Variants in GTPBP8 observed in about 807,000 individuals in gnomAD.
GTPBP8 encodes the protein GTP binding protein 8, also known as GTP-binding protein 8.
A neutral mutation model predicts 27.3 loss-of-function variants in GTPBP8; 21 were observed. The ratio of observed to expected loss-of-function variants is 0.77; its 90% CI spans 0.55 to 1.11. The LOEUF (loss-of-function observed/expected upper bound fraction) is 1.11, where lower values mean the gene tolerates loss of function less well. GTPBP8 is among the 50% of genes least tolerant of loss of function. The probability of loss-of-function intolerance (pLI) is 0.00; values close to 1 mark genes in which losing one functional copy is unlikely to be tolerated. For synonymous variants in GTPBP8, 147 were observed against 135.3 expected (o/e 1.09, Z -0.60); for missense variants, 380 against 350.8 (o/e 1.08, Z -0.67).
At chr3:112,999,640 G>A (rs1435276189) in intron 5 of GTPBP8, 76 bp downstream of exon 5, 8 of 667,032 alleles carry the variant, frequency 1.2e-5, no homozygotes, top group Admixed American at 5.3e-5. Flanking sequence ...TTTTTATTTC[G>A]ATAGTTTTTG....
At chr3:112,994,857 C>T (rs2107367673) in intron 2 of GTPBP8, among the ~76,000 whole-genome samples, 1 of 152,264 alleles carries the variant, frequency 6.6e-6, no homozygotes, top group East Asian at 1.9e-4. Context: ...AGGAAAGACT[C>T]CAAAATATTT....
At chr3:112,995,046 T>G (rs1933757078) in intron 2 of GTPBP8, 89 bp from the exon 3 acceptor site, 20 of 991,826 alleles carry the variant, frequency 2.0e-5, no homozygotes, top group Non-Finnish European at 2.7e-5. Flanking sequence ...TAATAAATAT[T>G]TGTTGATTAA....
chr3:112,991,199 A>C lies in GTPBP8; in HGVS notation c.200A>C (p.His67Pro), dbSNP rs777485753. Residue 67 changes from histidine (H) to proline (P), a missense_variant, in exon 1 of 6, where the codon CAC becomes CCC. His to Pro is a moderately conservative substitution (Grantham distance 77, BLOSUM62 -2). Coordinates refer to ENST00000383678, the MANE Select transcript of GTPBP8 (RefSeq NM_014170.4). ...FLAPYGRQDL[H>P]LRIFDPSPED... ...GCCCCCTACGGGAGGCAAGACCTTC[A>C]CCTGCGTATCTTTGACCCAAGCCCG... 6.8e-6 allele frequency: 11 copies of C among 1,614,044 alleles called. No homozygotes were observed. Among genetic ancestry groups the C allele is most frequent in the Non-Finnish European group, 9.3e-6 (11 of 1,180,030 alleles).
chr3:112,996,856 A>G, intron 3 of GTPBP8, 36 bp from the exon 4 acceptor site: 1 of 898,080 alleles, frequency 1.1e-6, no homozygotes, highest in Non-Finnish European at 1.9e-6. Context: ...GGTATATTTT[A>G]TATTGCCATT....
intron 1 of GTPBP8, 190 bp downstream of exon 1, chr3:112,991,525 A>C: frequency 1.4e-6 from 1 of 711,922 alleles, no homozygotes; most frequent in Non-Finnish European, 2.5e-6. Context: ...CCCATTGTTA[A>C]GTACAAAATG....
Position 112,996,748 on chromosome 3 carries a change from G to A in GTPBP8, c.567-144G>A, listed in dbSNP as rs187876285. 307 of 604,490 alleles carry A rather than the reference G, an allele frequency of 5.1e-4. No individual in the cohort carries two copies. In the African/African-American group the frequency reaches 5.3e-3, roughly 11 times the overall value. The allele number at this position is 604,490 out of a possible 1,614,324, so 37.4% of individuals were successfully genotyped here. On this transcript the variant is annotated intron_variant, in intron 3 of 5. Transcript: ENST00000383678. ...CTGCAGGATAAACTTCTGGCAAATT[G>A]AGAATTCCTGTTGCCTAAAGAAATG...
chr3:112,996,640 T>A (rs960730414), intron 3 of GTPBP8, among the ~76,000 whole-genome samples: 1 of 152,192 alleles, frequency 6.6e-6, no homozygotes, highest in African/African-American at 2.4e-5. Context: ...CAGAATGTCT[T>A]ATATCCAATA....
intron 4 of GTPBP8, among the ~76,000 whole-genome samples, 191 bp from the exon 5 acceptor site, chr3:112,999,255 C>T (rs1933844938): frequency 6.6e-6 from 1 of 152,172 alleles, no homozygotes; most frequent in African/African-American, 2.4e-5. Context: ...TGATGTGTTT[C>T]ACACATTTGC....
rs976464002 is a variant in GTPBP8, at chr3:112,994,488, G to A, written c.436-647G>A. Among the ~76,000 whole-genome samples, 5 of 151,666 alleles carry A rather than the reference G, an allele frequency of 3.3e-5. No individual in the cohort carries two copies. The East Asian group carries it at 9.7e-4, about 29-fold the overall frequency. The stretch of plus-strand genomic sequence containing the variant: ...TTTTCTGATTAATATCTGTTCTATG[G>A]ACACAAAACTGAGTAAACCACTTTT... On this transcript the variant is annotated intron_variant, in intron 2 of 5. Coordinates refer to ENST00000383678, the MANE Select transcript of GTPBP8 (RefSeq NM_014170.4).
At chr3:112,992,991 C>T in intron 1 of GTPBP8, 35 bp from the exon 2 acceptor site, 1 of 1,110,692 alleles carries the variant, frequency 9.0e-7, no homozygotes, top group Middle Eastern at 2.0e-4. Context: ...GCATATACAG[C>T]TAGTACGTAC....
intron 2 of GTPBP8, among the ~76,000 whole-genome samples, chr3:112,993,434 C>A (rs189325320): frequency 6.6e-6 from 1 of 152,288 alleles, no homozygotes; most frequent in East Asian, 1.9e-4. Context: ...TCATCTAGTT[C>A]TACACTGATT....
rs1309206166 is a variant in GTPBP8, at chr3:112,996,894, TGAA to T, written c.572_574del (p.Lys191del). On this transcript the variant is annotated inframe_deletion, in exon 4 of 6. Transcript: ENST00000383678. The stretch of plus-strand genomic sequence containing the variant: ...TCTTCTTTTCTACATGCTTATAGCT[TGAA>T]GAGAACATTTTTATTAGTGGATAGC... 1.4e-6 allele frequency: 2 copies of T among 1,424,764 alleles called. No homozygotes were observed. Among genetic ancestry groups the T allele is most frequent in the Non-Finnish European group, 2.0e-6 (2 of 1,008,686 alleles). 88.3% of individuals were successfully genotyped at this position (1,424,764 alleles called of 1,614,324 possible).
chr3:113,000,251 A>AAT (rs1933867018), intron 5 of GTPBP8, among the ~76,000 whole-genome samples: 1 of 152,014 alleles, frequency 6.6e-6, no homozygotes, highest in Non-Finnish European at 1.5e-5. Flanking sequence ...AAAAAAAATT[A>AAT]GCCAGATGTG....
chr3:112,998,927 T>A (rs545082276), intron 4 of GTPBP8, among the ~76,000 whole-genome samples: 1 of 152,220 alleles, frequency 6.6e-6, no homozygotes, highest in African/African-American at 2.4e-5. Flanking sequence ...ACCCATACTT[T>A]GACCTTTCTG....
At chr3:112,991,494 T>TA (rs1230908934) in intron 1 of GTPBP8, 159 bp downstream of exon 1, 1 of 732,434 alleles carries the variant, frequency 1.4e-6, no homozygotes, top group Non-Finnish European at 2.5e-6. Flanking sequence ...ATGCTCCCTG[T>TA]ACGTGGGGAT....
chr3:112,994,998 G>T, intron 2 of GTPBP8, 137 bp from the exon 3 acceptor site: 1 of 576,692 alleles, frequency 1.7e-6, no homozygotes, highest in East Asian at 3.0e-5. Context: ...CTTTTCCTGT[G>T]TCATCATCAG....
chr3:112,997,853 C>T (rs73857312), intron 4 of GTPBP8, among the ~76,000 whole-genome samples: 1,820 of 152,164 alleles, frequency 0.012, 37 homozygotes, highest in African/African-American at 0.041. Context: ...TATTGCCAAA[C>T]TAAATAATAG....
chr3:112,996,636 G>A (rs1933792410), intron 3 of GTPBP8, among the ~76,000 whole-genome samples: 1 of 152,174 alleles, frequency 6.6e-6, no homozygotes, highest in Admixed American at 6.5e-5. Flanking sequence ...CAGGCAGAAT[G>A]TCTTATATCC....
At chr3:113,000,819 G>A (rs776884454) in intron 5 of GTPBP8, 31 bp from the exon 6 acceptor site, 6 of 1,379,236 alleles carry the variant, frequency 4.4e-6, no homozygotes, top group Non-Finnish European at 6.1e-6. Context: ...CTGAGGAAAG[G>A]AAGAAAATTA....
Sources: gnomAD v4.1 joint callset for allele counts (sites outside exome capture counted in the v4.1 genomes callset) on GRCh38, gnomAD v4.1.1 for gene constraint, MANE v1.5 for transcripts, NCBI Gene and HGNC (gene_info 2026-07-23, HGNC 2026-07-21) for gene names.